MAMDC2: variants seen among roughly 807,000 people sequenced by gnomAD.
MAMDC2 encodes the protein MAM domain-containing protein 2.
In MAMDC2, 57 loss-of-function variants were observed where a neutral mutation model predicts 89.8. The observed-to-expected ratio is 0.63, with a 90% CI of 0.51 to 0.79. The LOEUF (loss-of-function observed/expected upper bound fraction) is 0.79. Among genes scored for constraint, MAMDC2 ranks in the 30% least tolerant of loss-of-function variants. The pLI is 0.00. For synonymous variants in MAMDC2, 313 were observed against 293.4 expected, an observed-to-expected ratio of 1.07 and a Z score of -0.68; for missense variants, 800 against 820.6, an observed-to-expected ratio of 0.97 and a Z score of 0.31.
intron 11 of MAMDC2, among the ~76,000 whole-genome samples, chr9:70,215,340 C>T (rs2033425252): frequency 6.6e-6 from 1 of 152,198 alleles, no homozygotes; most frequent in South Asian, 2.1e-4. Context: ...CTGCAGAACA[C>T]TGACAGGTTT....
At chr9:70,205,320 A>G (rs2033202566) in intron 11 of MAMDC2, among the ~76,000 whole-genome samples, 1 of 152,240 alleles carries the variant, frequency 6.6e-6, no homozygotes, top group South Asian at 2.1e-4. Flanking sequence ...CCATTAAACA[A>G]TAACTCCTCA....
chr9:70,110,975 CT>C (rs372483347), intron 4 of MAMDC2, among the ~76,000 whole-genome samples: 2 of 152,282 alleles, frequency 1.3e-5, no homozygotes, highest in Non-Finnish European at 2.9e-5. Flanking sequence ...ACAAAAAAGC[CT>C]TTGCTAATTC....
chr9:70,126,008 G>T, intron 5 of MAMDC2, 151 bp from the exon 6 acceptor site: 1 of 810,712 alleles, frequency 1.2e-6, no homozygotes, highest in South Asian at 1.8e-5. Flanking sequence ...ATCCACTCAT[G>T]GCCAAACCTC....
chr9:70,183,501 G>T (rs2032686980), intron 11 of MAMDC2, among the ~76,000 whole-genome samples: 1 of 152,098 alleles, frequency 6.6e-6, no homozygotes, highest in Admixed American at 6.6e-5. Flanking sequence ...ATGTCTTTAG[G>T]AACTTGCTTT....
intron 5 of MAMDC2, among the ~76,000 whole-genome samples, chr9:70,124,096 G>A (rs111958527): frequency 1.2e-4 from 19 of 152,182 alleles, no homozygotes; most frequent in Admixed American, 3.3e-4. Flanking sequence ...GCTGGGTGCC[G>A]GGCATCCGCT....
intron 2 of MAMDC2, among the ~76,000 whole-genome samples, chr9:70,099,995 A>AGAGAGC (rs1828130522): frequency 7.1e-6 from 1 of 141,378 alleles, no homozygotes; most frequent in Non-Finnish European, 1.5e-5. Flanking sequence ...AGAGAGAGAG[A>AGAGAGC]GAGAGAGAGA....
chr9:70,122,314 C>T (rs962309821), intron 5 of MAMDC2, among the ~76,000 whole-genome samples: 2 of 152,194 alleles, frequency 1.3e-5, no homozygotes, highest in African/African-American at 4.8e-5. Flanking sequence ...CTGTGGTTCA[C>T]TTGGCCTAGC....
chr9:70,079,993 A>G (rs1028885290), intron 2 of MAMDC2, among the ~76,000 whole-genome samples: 2 of 152,178 alleles, frequency 1.3e-5, no homozygotes, highest in African/African-American at 4.8e-5. Flanking sequence ...ATTCTTATTT[A>G]CTTTGTGTAT....
At chr9:70,212,652 A>G (rs890677265) in intron 11 of MAMDC2, among the ~76,000 whole-genome samples, 1 of 152,156 alleles carries the variant, frequency 6.6e-6, no homozygotes, top group African/African-American at 2.4e-5. Flanking sequence ...CCCCAGTGAG[A>G]TGAACCCAGT....
intron 9 of MAMDC2, among the ~76,000 whole-genome samples, chr9:70,154,555 G>T (rs1038506012): frequency 6.7e-6 from 1 of 148,606 alleles, no homozygotes; most frequent in South Asian, 2.2e-4. Flanking sequence ...TTGAGACAGG[G>T]TCTCTGTTGC....
chr9:70,196,137 T>G (rs1168255328), intron 11 of MAMDC2, among the ~76,000 whole-genome samples: 2 of 152,086 alleles, frequency 1.3e-5, no homozygotes, highest in Non-Finnish European at 2.9e-5. Context: ...CTCATGAGAC[T>G]TATTCACTAC....
At chr9:70,178,343 G>C (rs908709283) in intron 11 of MAMDC2, among the ~76,000 whole-genome samples, 3 of 151,792 alleles carry the variant, frequency 2.0e-5, no homozygotes, top group Admixed American at 6.6e-5. Flanking sequence ...GAAAGAGCAA[G>C]AGGGAACCAA....
At chr9:70,088,575 T>C (rs1041390022) in intron 2 of MAMDC2, 1 of 151,688 alleles carries the variant, frequency 6.6e-6, no homozygotes, top group African/African-American at 2.4e-5. Flanking sequence ...AGGCATACAA[T>C]GGTGGTTCAT....
intron 7 of MAMDC2, among the ~76,000 whole-genome samples, chr9:70,132,044 C>T (rs1037699116): frequency 6.6e-6 from 1 of 152,090 alleles, no homozygotes; most frequent in Non-Finnish European, 1.5e-5. Flanking sequence ...TTATAAATGG[C>T]CTCATGTTTA....
chr9:70,131,566 C>T lies in MAMDC2; in HGVS notation c.948C>T (p.Ala316=). 6.2e-7 allele frequency: 1 copy of T among 1,609,094 alleles called. No individual in the cohort carries two copies. The highest frequency in any genetic ancestry group is 8.5e-7 in the Non-Finnish European group (1 of 1,178,840). ...AFNGPKGGYV[A]LDDISFSPVH... ...ATGGTCCCAAGGGAGGTTATGTTGC[C>T]CTGGATGATATTTCATTCTCTCCTG... The change falls in exon 7 of 14, where the codon GCC becomes GCT. Residue 316 remains alanine (A), a synonymous_variant. Transcript: ENST00000377182.
At position 70,074,589 on chromosome 9, in the gene MAMDC2, G is replaced by A. The variant is rs550470322; in HGVS notation, c.148+29892G>A. Among the ~76,000 whole-genome samples the A allele has an allele frequency of 8.5e-5, 13 of 152,286 alleles. No homozygotes were observed. In the South Asian group the frequency reaches 1.2e-3, roughly 15 times the overall value. Reference sequence around the variant, plus strand: ...AGATGCCTGGCTTGCTTTCCCAGCCGCCACCAAGGCACTGAATACAGAGCT... The same window carrying A: ...AGATGCCTGGCTTGCTTTCCCAGCCACCACCAAGGCACTGAATACAGAGCT... On this transcript the variant is annotated intron_variant, in intron 2 of 13. Transcript: ENST00000377182.
intron 9 of MAMDC2, among the ~76,000 whole-genome samples, chr9:70,155,452 T>C (rs1413739931): frequency 6.6e-6 from 1 of 152,216 alleles, no homozygotes; most frequent in African/African-American, 2.4e-5. Context: ...AAAACCAACC[T>C]GCCCATCTAG....
chr9:70,177,199 A>G (rs1255990069), intron 11 of MAMDC2, among the ~76,000 whole-genome samples: 14 of 152,150 alleles, frequency 9.2e-5, no homozygotes, highest in Admixed American at 9.2e-4. Context: ...AACTGTCAGC[A>G]TCACTACTCT....
chr9:70,070,308 T>C (rs1446006190), intron 2 of MAMDC2, among the ~76,000 whole-genome samples: 1 of 152,232 alleles, frequency 6.6e-6, no homozygotes, highest in Non-Finnish European at 1.5e-5. Flanking sequence ...TGTGGCCTTA[T>C]AGACTTTTTA....
Sources: gnomAD v4.1 joint callset for allele counts (sites outside exome capture counted in the v4.1 genomes callset) on GRCh38, gnomAD v4.1.1 for gene constraint, MANE v1.5 for transcripts, NCBI Gene and HGNC (gene_info 2026-07-23, HGNC 2026-07-21) for gene names.